CHCHD6: variants seen among roughly 807,000 people sequenced by gnomAD.
The protein encoded by CHCHD6 is MICOS complex subunit MIC25.
A neutral mutation model predicts 32.3 loss-of-function variants in CHCHD6; 28 were observed. That is an observed-to-expected ratio of 0.87 (90% CI 0.64 to 1.19). CHCHD6 has a LOEUF of 1.19. Among genes scored for constraint, CHCHD6 ranks in the 50% most tolerant of loss-of-function variants. The pLI, the probability that CHCHD6 is intolerant of heterozygous loss-of-function variation, is 0.00. For missense variants in CHCHD6, 333 were observed against 307.0 expected (o/e 1.08, Z -0.63); for synonymous variants, 122 against 117.5 (o/e 1.04, Z -0.25).
intron 4 of CHCHD6, among the ~76,000 whole-genome samples, chr3:126,844,974 T>C (rs1405539222): frequency 1.3e-5 from 2 of 152,180 alleles, no homozygotes; most frequent in Non-Finnish European, 2.9e-5. Flanking sequence ...GATTCTTCTC[T>C]AGAACCCCCC....
At chr3:126,724,301 A>G (rs1158388727) in intron 1 of CHCHD6, among the ~76,000 whole-genome samples, 1 of 152,222 alleles carries the variant, frequency 6.6e-6, no homozygotes, top group Non-Finnish European at 1.5e-5. Flanking sequence ...ACGTGGCTCC[A>G]GATACCACAG....
At chr3:126,852,859 C>G (rs554121622) in intron 5 of CHCHD6, 129 bp downstream of exon 5, 283 of 646,038 alleles carry the variant, frequency 4.4e-4, no homozygotes, top group African/African-American at 2.3e-3. Context: ...GCCAGTCACT[C>G]CTTGGACATG....
At chr3:126,786,040 AT>A (rs1028057189) in intron 4 of CHCHD6, among the ~76,000 whole-genome samples, 2 of 151,938 alleles carry the variant, frequency 1.3e-5, no homozygotes, top group African/African-American at 4.8e-5. Flanking sequence ...AAGTGTTCTC[AT>A]TGTTCAGTTC....
intron 5 of CHCHD6, chr3:126,854,945 G>T (rs1267362956): frequency 1.3e-5 from 2 of 152,196 alleles, no homozygotes; most frequent in African/African-American, 4.8e-5. Context: ...GTTGAGACTG[G>T]CAGGTAAGGA....
chr3:126,726,650 C>T (rs1367107117), intron 1 of CHCHD6, among the ~76,000 whole-genome samples: 2 of 152,176 alleles, frequency 1.3e-5, no homozygotes, highest in Non-Finnish European at 2.9e-5. Flanking sequence ...GCAGCCTTCC[C>T]TGGAGAAGGG....
chr3:126,834,754 A>G (rs960477075), intron 4 of CHCHD6, among the ~76,000 whole-genome samples: 5 of 152,220 alleles, frequency 3.3e-5, no homozygotes, highest in Admixed American at 3.3e-4. Flanking sequence ...GATATAGGAC[A>G]GCTTCCTACT....
intron 5 of CHCHD6, among the ~76,000 whole-genome samples, chr3:126,900,082 A>G (rs2077900105): frequency 6.6e-6 from 1 of 152,202 alleles, no homozygotes; most frequent in South Asian, 2.1e-4. Context: ...GACAGGAAAA[A>G]GTATTGGGCT....
At chr3:126,760,243 G>A (rs573621602) in intron 4 of CHCHD6, among the ~76,000 whole-genome samples, 62 of 152,328 alleles carry the variant, frequency 4.1e-4, no homozygotes, top group Admixed American at 1.2e-3. Flanking sequence ...TGCTTTGCAA[G>A]TGTGTGGGAT....
chr3:126,771,124 C>T (rs532362426), intron 4 of CHCHD6, among the ~76,000 whole-genome samples: 8 of 151,676 alleles, frequency 5.3e-5, no homozygotes, highest in South Asian at 2.1e-4. Context: ...TAGAGTTGTT[C>T]GTAGTAGTCT....
At chr3:126,908,550 T>C (rs1020874162) in intron 5 of CHCHD6, among the ~76,000 whole-genome samples, 1 of 152,234 alleles carries the variant, frequency 6.6e-6, no homozygotes, top group African/African-American at 2.4e-5. Flanking sequence ...CAACTTTACA[T>C]TGAGGGCCTG....
intron 4 of CHCHD6, among the ~76,000 whole-genome samples, chr3:126,851,062 C>T (rs750181469): frequency 2.6e-5 from 4 of 152,196 alleles, no homozygotes; most frequent in Non-Finnish European, 4.4e-5. Flanking sequence ...AAGACAGCAT[C>T]TTGCTCAGGC....
At chr3:126,894,041 G>A (rs1200544038) in intron 5 of CHCHD6, among the ~76,000 whole-genome samples, 1 of 152,252 alleles carries the variant, frequency 6.6e-6, no homozygotes, top group Non-Finnish European at 1.5e-5. Context: ...GCTGCACTTG[G>A]CTGTTACCTA....
At chr3:126,838,720 T>C (rs1940958038) in intron 4 of CHCHD6, among the ~76,000 whole-genome samples, 1 of 152,156 alleles carries the variant, frequency 6.6e-6, no homozygotes, top group Admixed American at 6.5e-5. Flanking sequence ...CAAACCCTTA[T>C]GGCAGCCCTA....
chr3:126,776,169 G>GT (rs1270744543), intron 4 of CHCHD6, among the ~76,000 whole-genome samples: 2 of 152,158 alleles, frequency 1.3e-5, no homozygotes, highest in African/African-American at 4.8e-5. Flanking sequence ...TCTGTTAATA[G>GT]TTTGAGCATC....
At chr3:126,868,686 C>T (rs2077422537) in intron 5 of CHCHD6, among the ~76,000 whole-genome samples, 1 of 152,084 alleles carries the variant, frequency 6.6e-6, no homozygotes, top group African/African-American at 2.4e-5. Flanking sequence ...ATTTGGTAAC[C>T]TTTTTAGAAC....
At chr3:126,763,014 A>G (rs763589604) in intron 4 of CHCHD6, among the ~76,000 whole-genome samples, 2 of 152,168 alleles carry the variant, frequency 1.3e-5, no homozygotes, top group Non-Finnish European at 2.9e-5. Flanking sequence ...TGTTTAATAC[A>G]TTTACATTTA....
chr3:126,712,625 G>C (rs1030931817), intron 1 of CHCHD6, among the ~76,000 whole-genome samples: 3 of 152,138 alleles, frequency 2.0e-5, no homozygotes, highest in Non-Finnish European at 4.4e-5. Context: ...CCTGCTCTCC[G>C]CAGTGGCACT....
At chr3:126,772,032 G>C (rs932280356) in intron 4 of CHCHD6, among the ~76,000 whole-genome samples, 7 of 151,966 alleles carry the variant, frequency 4.6e-5, no homozygotes, top group Non-Finnish European at 8.8e-5. Context: ...CTGCCTCAGT[G>C]GTCTCTCTAA....
intron 6 of CHCHD6, among the ~76,000 whole-genome samples, chr3:126,947,964 C>A (rs2078662939): frequency 6.6e-6 from 1 of 152,194 alleles, no homozygotes; most frequent in South Asian, 2.1e-4. Flanking sequence ...CATGTGCAGA[C>A]CCTGGCATGG....
Sources: allele counts gnomAD v4.1 joint callset (sites outside exome capture counted in the v4.1 genomes callset), GRCh38; gene constraint gnomAD v4.1.1; transcripts MANE v1.5; gene names NCBI Gene and HGNC (gene_info 2026-07-23, HGNC 2026-07-21).